Variants in TTLL5 observed in about 807,000 individuals in gnomAD.
TTLL5 encodes tubulin polyglutamylase TTLL5.
In TTLL5, 132 loss-of-function variants were observed where a neutral mutation model predicts 168.4. The observed-to-expected ratio is 0.78, with a 90% CI of 0.68 to 0.91. The LOEUF (loss-of-function observed/expected upper bound fraction) is 0.91, where lower values mean the gene tolerates loss of function less well. Among genes scored for constraint, TTLL5 ranks in the 40% least tolerant of loss-of-function variants. The pLI, the probability that TTLL5 is intolerant of heterozygous loss-of-function variation, is 0.00. For missense variants in TTLL5, 1,545 were observed against 1,581.5 expected (o/e 0.98, Z 0.39); for synonymous variants, 546 against 558.6 (o/e 0.98, Z 0.32).
intron 6 of TTLL5, 50 bp downstream of exon 6, chr14:75,690,372 A>C (rs1885362310): frequency 3.9e-6 from 6 of 1,548,432 alleles, no homozygotes; most frequent in South Asian, 3.8e-5. Flanking sequence ...GAACCTGGGG[A>C]ATATTTACCC....
intron 6 of TTLL5, among the ~76,000 whole-genome samples, chr14:75,695,324 G>C (rs1885758869): frequency 6.6e-6 from 1 of 152,212 alleles, no homozygotes; most frequent in African/African-American, 2.4e-5. Flanking sequence ...CTGGTTGTCT[G>C]CTCTCAACCC....
At chr14:75,761,269 A>G (rs2140290493) in intron 18 of TTLL5, among the ~76,000 whole-genome samples, 1 of 152,252 alleles carries the variant, frequency 6.6e-6, no homozygotes, top group South Asian at 2.1e-4. Flanking sequence ...ACTGTGATAA[A>G]TTGTCGTTGA....
intron 18 of TTLL5, among the ~76,000 whole-genome samples, chr14:75,764,400 C>T (rs1035099748): frequency 2.6e-5 from 4 of 152,118 alleles, no homozygotes; most frequent in African/African-American, 9.7e-5. Context: ...TTGTCTTTAG[C>T]TGCATATTTT....
chr14:75,876,297 A>T (rs1182805756), intron 29 of TTLL5, among the ~76,000 whole-genome samples: 5 of 152,230 alleles, frequency 3.3e-5, no homozygotes, highest in Non-Finnish European at 7.3e-5. Context: ...AGTTGTAATT[A>T]TCTTCATTGC....
chr14:75,909,583 C>A (rs2033285322), intron 31 of TTLL5, among the ~76,000 whole-genome samples: 1 of 152,116 alleles, frequency 6.6e-6, no homozygotes, highest in Non-Finnish European at 1.5e-5. Flanking sequence ...TTGTTTTCCT[C>A]CTGTGGCCAC....
chr14:75,909,755 G>T (rs1167630886), intron 31 of TTLL5, among the ~76,000 whole-genome samples: 4 of 152,230 alleles, frequency 2.6e-5, no homozygotes, highest in Non-Finnish European at 5.9e-5. Flanking sequence ...CGTAGCCTGT[G>T]TTACACAAGT....
intron 29 of TTLL5, among the ~76,000 whole-genome samples, chr14:75,865,596 A>G (rs77484301): frequency 0.015 from 2,213 of 152,256 alleles, 16 homozygotes; most frequent in South Asian, 0.025. Context: ...CTATGCTTCA[A>G]TACCTTGAAA....
chr14:75,816,629 G>C (rs1195892847), intron 27 of TTLL5, among the ~76,000 whole-genome samples: 1 of 152,090 alleles, frequency 6.6e-6, no homozygotes, highest in Admixed American at 6.6e-5. Context: ...TTTATTTATT[G>C]ATATTCCCCT....
At chr14:75,707,218 G>A in intron 8 of TTLL5, 131 bp downstream of exon 8, 3 of 705,360 alleles carry the variant, frequency 4.3e-6, no homozygotes, top group Non-Finnish European at 7.3e-6. Context: ...CTCCAGAAAG[G>A]CAGCAGGTTC....
rs574670249 is a variant in TTLL5, at chr14:75,805,318, T to C, written c.3171+12218T>C. Among the ~76,000 whole-genome samples the C allele has an allele frequency of 2.0e-5, 3 of 152,336 alleles. No homozygotes were observed. The South Asian group carries it at 6.2e-4, about 32-fold the overall frequency. ...TGAAAACTAGATTCCATTTTCAACA[T>C]GTTTTTCAGAGCCACTGGCATATAG... On this transcript the variant is annotated intron_variant, in intron 27 of 31. Transcript: ENST00000298832.
chr14:75,816,188 G>A (rs551484365), intron 27 of TTLL5, among the ~76,000 whole-genome samples: 3 of 152,326 alleles, frequency 2.0e-5, no homozygotes, highest in South Asian at 4.1e-4. Context: ...CAGCACTTTG[G>A]GAGGCCAAGG....
chr14:75,775,782 C>A, intron 22 of TTLL5, 152 bp downstream of exon 22: 6 of 990,270 alleles, frequency 6.1e-6, no homozygotes, highest in Non-Finnish European at 8.5e-6. Context: ...GGAAGCAGGA[C>A]CCCACACCTT....
chr14:75,869,965 G>T (rs769295482), intron 29 of TTLL5, among the ~76,000 whole-genome samples: 29 of 151,816 alleles, frequency 1.9e-4, no homozygotes, highest in African/African-American at 6.5e-4. Flanking sequence ...GACTACAGGC[G>T]CACACCACCA....
At chr14:75,756,326 A>G (rs1008709735) in intron 18 of TTLL5, among the ~76,000 whole-genome samples, 1 of 152,162 alleles carries the variant, frequency 6.6e-6, no homozygotes, top group Non-Finnish European at 1.5e-5. Context: ...TTTAGAATGG[A>G]GAACAGATTA....
intron 11 of TTLL5, 123 bp downstream of exon 11, chr14:75,719,949 T>A: frequency 9.4e-7 from 1 of 1,058,928 alleles, no homozygotes; most frequent in Non-Finnish European, 1.4e-6. Context: ...TTGTCCTTGG[T>A]GTTACTTTTT....
intron 27 of TTLL5, among the ~76,000 whole-genome samples, chr14:75,812,396 AC>A (rs1894100283): frequency 6.6e-6 from 1 of 152,078 alleles, no homozygotes; most frequent in Non-Finnish European, 1.5e-5. Context: ...GAACAAGTTG[AC>A]TGTTTTTAGG....
intron 14 of TTLL5, 83 bp downstream of exon 14, chr14:75,734,133 ACTGGCAGGTC>A: frequency 7.5e-7 from 1 of 1,327,654 alleles, no homozygotes; most frequent in Non-Finnish European, 1.1e-6. Context: ...GGTTTTGCCA[ACTGGCAGGTC>A]CTAAGCCATG....
Position 75,863,684 on chromosome 14 carries a change from G to C in TTLL5, c.3344G>C (p.Gly1115Ala), listed in dbSNP as rs1458574281. Reference protein sequence around the residue: ...SPGSRSLQTGGFAWEGEVENN... With the variant: ...SPGSRSLQTGAFAWEGEVENN... ...CTCTTCAGGAGCCTGCAGACAGGGG[G>C]ATTTGCCTGGGAAGGAGAAGTAGAA... is the stretch of plus-strand genomic sequence containing the variant. The change falls in exon 29 of 32, where the codon GGA (glycine) becomes GCA (alanine). Residue 1115 changes from glycine (G) to alanine (A), a missense_variant. Gly to Ala is a moderately conservative substitution (Grantham distance 60, BLOSUM62 0). Transcript: ENST00000298832. 1 of 1,610,432 alleles carries C rather than the reference G, an allele frequency of 6.2e-7. No homozygotes were observed. Among genetic ancestry groups the C allele is most frequent in the Non-Finnish European group, 8.5e-7 (1 of 1,178,376 alleles).
At chr14:75,668,456 G>T (rs1350150244) in intron 2 of TTLL5, among the ~76,000 whole-genome samples, 1 of 152,174 alleles carries the variant, frequency 6.6e-6, no homozygotes, top group Non-Finnish European at 1.5e-5. Context: ...CTGGCACATA[G>T]TAGGGACTCA....
Sources: gnomAD v4.1 joint callset for allele counts (sites outside exome capture counted in the v4.1 genomes callset) on GRCh38, gnomAD v4.1.1 for gene constraint, MANE v1.5 for transcripts, NCBI Gene and HGNC (gene_info 2026-07-23, HGNC 2026-07-21) for gene names.